NDUFS4: variants seen among roughly 807,000 people sequenced by gnomAD.
NDUFS4 encodes NADH dehydrogenase [ubiquinone] iron-sulfur protein 4, mitochondrial.
NDUFS4 carries 28 observed loss-of-function variants against 24.3 expected under a neutral mutation model. The ratio of observed to expected loss-of-function variants is 1.15; its 90% CI spans 0.85 to 1.58. The LOEUF is 1.58. NDUFS4 is among the 40% of genes most tolerant of loss of function. The pLI is 0.00. For missense variants in NDUFS4, 223 were observed against 207.9 expected, an observed-to-expected ratio of 1.07 and a Z score of -0.45; for synonymous variants, 93 against 69.7, an observed-to-expected ratio of 1.34 and a Z score of -1.67.
At position 53,603,336 on chromosome 5, in the gene NDUFS4, C is replaced by CTT. The variant is rs11414085; in HGVS notation, c.99-102_99-101dup. On this transcript the variant is annotated intron_variant, in intron 1 of 4. Transcript: ENST00000296684. Reference sequence around the variant, plus strand: ...TGCCCTCTTCTCTTTCTTTCCTTTCCTTTTTTTTTTTTTTTAATAAGACAG... The same window carrying CTT: ...TGCCCTCTTCTCTTTCTTTCCTTTCCTTTTTTTTTTTTTTTTTAATAAGACAG... 37,928 of 503,854 alleles carry CTT rather than the reference C, an allele frequency of 0.075. 1,414 individuals are homozygous for CTT. Among genetic ancestry groups the CTT allele is most frequent in the African/African-American group, 0.22 (10,040 of 46,556 alleles). 31.2% of individuals were successfully genotyped at this position (503,854 alleles called of 1,614,324 possible).
At chr5:53,581,062 A>G (rs1749554064) in intron 1 of NDUFS4, among the ~76,000 whole-genome samples, 3 of 151,948 alleles carry the variant, frequency 2.0e-5, no homozygotes, top group Non-Finnish European at 4.4e-5. Flanking sequence ...TGAGCTCCCA[A>G]CCTCAGGTGA....
chr5:53,615,876 A>C (rs1750823002), intron 2 of NDUFS4, among the ~76,000 whole-genome samples: 1 of 152,154 alleles, frequency 6.6e-6, no homozygotes, highest in South Asian at 2.1e-4. Context: ...TGAGGATCTG[A>C]TTAGTGTACC....
At position 53,658,504 on chromosome 5, in the gene NDUFS4, A is replaced by G; in HGVS notation, c.351-47A>G. On this transcript the variant is annotated intron_variant, in intron 3 of 4. Transcript: ENST00000296684. ...ATTTTAAATATTGATTTTGTTTCTCAGCTAAAGCTTAATGTTAAATCTTGG... is the reference window on the plus strand; with the variant it reads ...ATTTTAAATATTGATTTTGTTTCTCGGCTAAAGCTTAATGTTAAATCTTGG... 3 of 1,286,162 alleles carry G rather than the reference A, an allele frequency of 2.3e-6. No individual in the cohort carries two copies. In the South Asian group the frequency reaches 3.6e-5, roughly 15 times the overall value. The allele number at this position is 1,286,162 out of a possible 1,614,324, so 79.7% of individuals were successfully genotyped here. A position where few individuals can be genotyped will look rare whatever the true frequency, so the allele number is the denominator to read the frequency against.
At chr5:53,619,368 T>TA (rs1261573994) in intron 2 of NDUFS4, among the ~76,000 whole-genome samples, 1 of 146,754 alleles carries the variant, frequency 6.8e-6, no homozygotes, top group Non-Finnish European at 1.5e-5. Flanking sequence ...CGGGTGCTTG[T>TA]AGTCCCAGCT....
intron 3 of NDUFS4, among the ~76,000 whole-genome samples, chr5:53,649,319 A>G (rs535603664): frequency 6.6e-6 from 1 of 152,288 alleles, no homozygotes; most frequent in African/African-American, 2.4e-5. Context: ...TTAAGTAAAC[A>G]CAGTGCCCAG....
In NDUFS4 at chr5:53,582,246, T is replaced by TAAAATAAAATAAAATA. The variant is rs1168881967; in HGVS notation, c.99-21203_99-21202insATAAAATAAAATAAAA. 3.9e-4 allele frequency among the ~76,000 whole-genome samples: 48 copies of TAAAATAAAATAAAATA among 124,238 alleles called. 1 individual carries two copies. The highest frequency in any genetic ancestry group is 8.8e-4 in the African/African-American group (24 of 27,120). The allele number at this position is 124,238 out of a possible 152,430, so 81.5% of individuals were successfully genotyped here. On this transcript the variant is annotated intron_variant, in intron 1 of 4. Transcript: ENST00000296684. ...AAAATAAAATAAAATAAAATAAAAT[T>TAAAATAAAATAAAATA]AAATTAAAATAAAAATAAATAGCTA... is the stretch of plus-strand genomic sequence containing the variant.
At chr5:53,563,767 G>T (rs1347892339) in intron 1 of NDUFS4, among the ~76,000 whole-genome samples, 2 of 152,180 alleles carry the variant, frequency 1.3e-5, no homozygotes, top group Non-Finnish European at 1.5e-5. Flanking sequence ...CTCCCAAAGT[G>T]CTGGGATGAC....
At chr5:53,636,934 A>T (rs1323547511) in intron 2 of NDUFS4, among the ~76,000 whole-genome samples, 4 of 152,166 alleles carry the variant, frequency 2.6e-5, no homozygotes, top group Non-Finnish European at 4.4e-5. Flanking sequence ...CTTCTTGTAC[A>T]GCCTGCCAAA....
At chr5:53,594,816 T>C (rs1330914350) in intron 1 of NDUFS4, among the ~76,000 whole-genome samples, 3 of 152,046 alleles carry the variant, frequency 2.0e-5, no homozygotes, top group African/African-American at 7.2e-5. Context: ...ATTATCTCAG[T>C]ATTTTTTTAC....
intron 1 of NDUFS4, among the ~76,000 whole-genome samples, chr5:53,573,137 A>G (rs1749269980): frequency 6.7e-6 from 1 of 149,730 alleles, no homozygotes. Context: ...ATGCCTCGCT[A>G]ATTTTTATAT....
At chr5:53,570,669 A>G (rs1456602075) in intron 1 of NDUFS4, among the ~76,000 whole-genome samples, 2 of 139,164 alleles carry the variant, frequency 1.4e-5, no homozygotes, top group Non-Finnish European at 3.1e-5. Context: ...TAACATTTGT[A>G]TTGTATTTTT....
chr5:53,580,977 G>A (rs1749550239), intron 1 of NDUFS4, among the ~76,000 whole-genome samples: 1 of 152,072 alleles, frequency 6.6e-6, no homozygotes, highest in Non-Finnish European at 1.5e-5. Flanking sequence ...GGGATTACAG[G>A]CATGTGCCAC....
chr5:53,590,448 A>G (rs966368982), intron 1 of NDUFS4, among the ~76,000 whole-genome samples: 4 of 152,220 alleles, frequency 2.6e-5, no homozygotes, highest in African/African-American at 2.4e-5. Context: ...AACAAAAACT[A>G]TCTCATATTT....
At chr5:53,562,923 G>A (rs755765616) in intron 1 of NDUFS4, among the ~76,000 whole-genome samples, 22 of 147,934 alleles carry the variant, frequency 1.5e-4, no homozygotes, top group Admixed American at 3.4e-4. Context: ...GTAAGGAGTG[G>A]AGTAGGGAAC....
intron 1 of NDUFS4, among the ~76,000 whole-genome samples, chr5:53,600,020 C>T (rs540030836): frequency 7.2e-5 from 11 of 151,818 alleles, no homozygotes; most frequent in Non-Finnish European, 1.5e-4. Context: ...TTTTTTGAGA[C>T]GGAGTTTCAT....
intron 4 of NDUFS4, among the ~76,000 whole-genome samples, chr5:53,660,560 C>G: frequency 6.6e-6 from 1 of 152,034 alleles, no homozygotes. Context: ...TACTAGATGC[C>G]TGAGGAATTG....
At chr5:53,637,344 TAAAGTC>T (rs1751588993) in intron 2 of NDUFS4, among the ~76,000 whole-genome samples, 1 of 152,204 alleles carries the variant, frequency 6.6e-6, no homozygotes, top group Non-Finnish European at 1.5e-5. Flanking sequence ...ATTGGCTCCA[TAAAGTC>T]AAACTTAGTT....
chr5:53,683,187 C>T lies in NDUFS4; in HGVS notation c.494C>T (p.Ser165Phe). ...TCCAAGTCTTATGGTGCAAACTTTT[C>T]TTGGAACAAAAGAACAAGAGTATCC... ...PKSKSYGANF[S>F]WNKRTRVSTK The change falls in exon 5 of 5, where the codon TCT becomes TTT. Residue 165 changes from serine (S) to phenylalanine (F), a missense_variant. Ser to Phe is a radical substitution (Grantham distance 155). Coordinates refer to ENST00000296684, the MANE Select transcript of NDUFS4 (RefSeq NM_002495.4). 1 of 1,611,936 alleles carries T rather than the reference C, an allele frequency of 6.2e-7. No individual in the cohort carries two copies. The highest frequency in any genetic ancestry group is 8.5e-7 in the Non-Finnish European group (1 of 1,178,378).
intron 2 of NDUFS4, among the ~76,000 whole-genome samples, chr5:53,623,404 G>A (rs377757426): frequency 2.6e-5 from 4 of 152,040 alleles, no homozygotes; most frequent in Admixed American, 6.6e-5. Context: ...TTTATTTGCC[G>A]TTTATGTATC....
Sources: allele counts gnomAD v4.1 joint callset (sites outside exome capture counted in the v4.1 genomes callset), GRCh38; gene constraint gnomAD v4.1.1; transcripts MANE v1.5; gene names NCBI Gene and HGNC (gene_info 2026-07-23, HGNC 2026-07-21).